PCDH15: variants seen among roughly 807,000 people sequenced by gnomAD.
The protein encoded by PCDH15 is protocadherin-15.
Under a neutral mutation model 178.5 loss-of-function variants are expected in PCDH15, and 129 were observed. The ratio of observed to expected loss-of-function variants is 0.72; its 90% CI spans 0.63 to 0.84. The LOEUF is 0.84. Among genes scored for constraint, PCDH15 ranks in the 40% least tolerant of loss-of-function variants. PCDH15 has a pLI of 0.00. For synonymous variants in PCDH15, 800 were observed against 732.0 expected (o/e 1.09, Z -1.50); for missense variants, 2,230 against 2,099.9 (o/e 1.06, Z -1.21).
chr10:54,373,981 AC>A (rs1948055086), intron 4 of PCDH15, among the ~76,000 whole-genome samples: 1 of 152,050 alleles, frequency 6.6e-6, no homozygotes. Context: ...TGTAGTTCAT[AC>A]ATTTCTAAAT....
intron 2 of PCDH15, among the ~76,000 whole-genome samples, chr10:55,100,153 T>G (rs1463526280): frequency 1.3e-5 from 2 of 152,092 alleles, no homozygotes; most frequent in African/African-American, 4.8e-5. Context: ...TTAGCAAGAA[T>G]TATGTGATTT....
At chr10:54,035,475 G>T (rs1219512205) in intron 18 of PCDH15, among the ~76,000 whole-genome samples, 1 of 151,870 alleles carries the variant, frequency 6.6e-6, no homozygotes, top group Non-Finnish European at 1.5e-5. Context: ...TATTGTGGTT[G>T]TGTTGGGGTG....
chr10:55,231,423 T>C (rs1351409954), intron 1 of PCDH15, among the ~76,000 whole-genome samples: 1 of 151,844 alleles, frequency 6.6e-6, no homozygotes, highest in Non-Finnish European at 1.5e-5. Flanking sequence ...GTAACAGGAG[T>C]TGTTTTGAGT....
chr10:54,588,855 T>A (rs2091687480), intron 2 of PCDH15, among the ~76,000 whole-genome samples: 1 of 152,142 alleles, frequency 6.6e-6, no homozygotes, highest in East Asian at 1.9e-4. Flanking sequence ...ATTATAGGCA[T>A]AAGCCACCAC....
chr10:54,803,169 G>A, upstream of PCDH15, among the ~76,000 whole-genome samples: 1 of 152,078 alleles, frequency 6.6e-6, no homozygotes, highest in East Asian at 1.9e-4. Flanking sequence ...GCATTGTAAA[G>A]TCCACTTGAA....
intron 2 of PCDH15, among the ~76,000 whole-genome samples, chr10:54,542,031 AT>A (rs2085295501): frequency 6.6e-6 from 1 of 152,246 alleles, no homozygotes; most frequent in Non-Finnish European, 1.5e-5. Context: ...TGAAACAAAA[AT>A]TATAAGCATT....
At chr10:54,001,605 G>A (rs1001521921) in intron 20 of PCDH15, among the ~76,000 whole-genome samples, 42 of 151,834 alleles carry the variant, frequency 2.8e-4, no homozygotes, top group African/African-American at 9.7e-4. Flanking sequence ...CAAAATCAAA[G>A]CACCAGAGTA....
intron 2 of PCDH15, among the ~76,000 whole-genome samples, chr10:55,526,189 T>G (rs2132170862): frequency 6.6e-6 from 1 of 152,062 alleles, no homozygotes; most frequent in East Asian, 1.9e-4. Flanking sequence ...ACTAATAAAT[T>G]AGCTATTAAA....
chr10:53,828,405 C>T (rs895581432), intron 31 of PCDH15, among the ~76,000 whole-genome samples, 160 bp downstream of exon 31: 1 of 152,006 alleles, frequency 6.6e-6, no homozygotes, highest in African/African-American at 2.4e-5. Flanking sequence ...TGTCTAAAAT[C>T]AGCTCAATTC....
At chr10:54,731,563 T>TATATATATATATATACAC in intron 1 of PCDH15, among the ~76,000 whole-genome samples, 11 of 49,920 alleles carry the variant, frequency 2.2e-4, no homozygotes, top group African/African-American at 6.5e-4. Context: ...TATATATATA[T>TATATATATATATATACAC]ACACACACAC....
intron 2 of PCDH15, among the ~76,000 whole-genome samples, chr10:55,047,973 CT>C (rs1349865064): frequency 6.6e-6 from 1 of 151,792 alleles, no homozygotes; most frequent in Non-Finnish European, 1.5e-5. Flanking sequence ...AAACCTTCAT[CT>C]TACAAGCAAT....
intron 3 of PCDH15, among the ~76,000 whole-genome samples, chr10:54,379,143 G>A (rs1474937899): frequency 6.6e-6 from 1 of 151,932 alleles, no homozygotes; most frequent in African/African-American, 2.4e-5. Flanking sequence ...TAATATTTTT[G>A]GTGGAAGGCA....
chr10:54,563,009 C>CA (rs1355037435), intron 2 of PCDH15, among the ~76,000 whole-genome samples: 6 of 152,008 alleles, frequency 3.9e-5, no homozygotes, highest in African/African-American at 1.4e-4. Context: ...TTTATTTACT[C>CA]ATGTATAGGA....
chr10:54,111,972 CA>C (rs369333708), intron 15 of PCDH15, among the ~76,000 whole-genome samples: 41 of 97,566 alleles, frequency 4.2e-4, no homozygotes, highest in Admixed American at 4.3e-4. Context: ...ACCAAAAATA[CA>C]AAAAAAAAAA....
chr10:54,058,676 A>ATCTT (rs950203297), intron 18 of PCDH15, among the ~76,000 whole-genome samples: 2 of 128,210 alleles, frequency 1.6e-5, no homozygotes, highest in African/African-American at 6.1e-5. Context: ...ACATTAGAAC[A>ATCTT]TATTTCTTTC....
chr10:54,485,837 G>A (rs941402723), intron 3 of PCDH15, among the ~76,000 whole-genome samples: 10 of 152,000 alleles, frequency 6.6e-5, no homozygotes, highest in African/African-American at 2.2e-4. Context: ...ATAAATTCTC[G>A]AGGCATAGCC....
chr10:55,429,873 G>A (rs1012200530), intron 2 of PCDH15, among the ~76,000 whole-genome samples: 13 of 152,008 alleles, frequency 8.6e-5, no homozygotes, highest in African/African-American at 2.9e-4. Context: ...TAAGTTTTCT[G>A]TTTACATTTA....
intron 2 of PCDH15, among the ~76,000 whole-genome samples, chr10:55,578,250 C>T (rs549636159): frequency 6.6e-6 from 1 of 152,144 alleles, no homozygotes; most frequent in South Asian, 2.1e-4. Context: ...CGGAGTCTCA[C>T]TCTATCACCC....
chr10:55,072,508 T>C (rs1338471424), intron 2 of PCDH15, among the ~76,000 whole-genome samples: 2 of 152,100 alleles, frequency 1.3e-5, no homozygotes, highest in Non-Finnish European at 2.9e-5. Flanking sequence ...AAGAAATGGA[T>C]AAATTCCTCG....
Sources: gnomAD v4.1 joint callset for allele counts (sites outside exome capture counted in the v4.1 genomes callset) on GRCh38, gnomAD v4.1.1 for gene constraint, MANE v1.5 for transcripts, NCBI Gene and HGNC (gene_info 2026-07-23, HGNC 2026-07-21) for gene names.